Variants in RBFOX1 observed in about 807,000 individuals in gnomAD.
RBFOX1 encodes the protein RNA binding fox-1 homolog 1, also known as RNA binding protein fox-1 homolog 1.
In RBFOX1, 8 loss-of-function variants were observed where a neutral mutation model predicts 57.7. The observed-to-expected ratio is 0.14, with a 90% CI of 0.08 to 0.25. RBFOX1 has a LOEUF of 0.25. Ranked by LOEUF, RBFOX1 falls within the 10% of genes least tolerant of loss-of-function variation. RBFOX1 has a pLI of 1.00. For missense variants in RBFOX1, 611 were observed against 548.5 expected, an observed-to-expected ratio of 1.11 and a Z score of -1.14; for synonymous variants, 326 against 222.4, an observed-to-expected ratio of 1.47 and a Z score of -4.15.
chr16:5,481,303 G>A (rs1171239940), intron 2 of RBFOX1, among the ~76,000 whole-genome samples: 1 of 152,314 alleles, frequency 6.6e-6, no homozygotes, highest in East Asian at 1.9e-4. Context: ...TGACACCCAT[G>A]ACCTATTTCC....
At chr16:5,847,906 A>G (rs1343143215) in intron 3 of RBFOX1, among the ~76,000 whole-genome samples, 3 of 152,168 alleles carry the variant, frequency 2.0e-5, no homozygotes, top group African/African-American at 7.2e-5. Context: ...GTAATTGTCC[A>G]GGACTCTAGG....
At chr16:7,703,751 C>T (rs2081512882) in intron 14 of RBFOX1, among the ~76,000 whole-genome samples, 1 of 152,180 alleles carries the variant, frequency 6.6e-6, no homozygotes, top group African/African-American at 2.4e-5. Flanking sequence ...CAAGAGGCTG[C>T]ATACTTATTC....
chr16:5,838,851 G>A (rs2056541954), intron 3 of RBFOX1, among the ~76,000 whole-genome samples: 1 of 152,184 alleles, frequency 6.6e-6, no homozygotes, highest in Non-Finnish European at 1.5e-5. Context: ...ACCTCAGTGA[G>A]CTCTCACACC....
At chr16:6,700,369 G>T (rs1273859949) in intron 3 of RBFOX1, among the ~76,000 whole-genome samples, 1 of 146,832 alleles carries the variant, frequency 6.8e-6, no homozygotes, top group East Asian at 2.0e-4. Flanking sequence ...AAAAAAAAAA[G>T]AATTTTGACC....
intron 2 of RBFOX1, among the ~76,000 whole-genome samples, chr16:6,605,652 C>T (rs977547662): frequency 1.3e-5 from 2 of 152,290 alleles, no homozygotes; most frequent in African/African-American, 2.4e-5. Context: ...TTCATTGTTC[C>T]AGAAATATTT....
chr16:6,077,119 G>C (rs1307959554), intron 1 of RBFOX1, among the ~76,000 whole-genome samples: 1 of 152,104 alleles, frequency 6.6e-6, no homozygotes, highest in African/African-American at 2.4e-5. Context: ...ACGTAAAATG[G>C]GGATGACGAC....
intron 3 of RBFOX1, among the ~76,000 whole-genome samples, chr16:6,958,069 C>G (rs979919110): frequency 2.6e-5 from 4 of 151,896 alleles, no homozygotes; most frequent in Non-Finnish European, 5.9e-5. Context: ...TGGAGACTAG[C>G]TCTCATGGAT....
rs187366014 is a variant in RBFOX1 at position 7,249,030 on chromosome 16, C to G, written c.27+196932C>G. Among the ~76,000 whole-genome samples, 4 of 152,114 alleles carry G rather than the reference C, an allele frequency of 2.6e-5. No homozygotes were observed. The East Asian group carries it at 5.8e-4, about 22-fold the overall frequency. Reference sequence around the variant, plus strand: ...AGAGTGGGAGCCAGGGAATACAGCACTGCTCTGCATAATAGAGGGAGGGAA... The same window carrying G: ...AGAGTGGGAGCCAGGGAATACAGCAGTGCTCTGCATAATAGAGGGAGGGAA... On this transcript the variant is annotated intron_variant, in intron 4 of 15. Coordinates refer to ENST00000550418, the MANE Select transcript of RBFOX1 (RefSeq NM_018723.4).
intron 2 of RBFOX1, among the ~76,000 whole-genome samples, chr16:5,497,035 A>G (rs1223029752): frequency 6.6e-6 from 1 of 152,066 alleles, no homozygotes; most frequent in African/African-American, 2.4e-5. Context: ...AGTAAATTGA[A>G]TTTTTTTTAC....
chr16:6,821,608 C>T (rs1399235471), intron 3 of RBFOX1, among the ~76,000 whole-genome samples: 2 of 152,180 alleles, frequency 1.3e-5, no homozygotes, highest in Non-Finnish European at 2.9e-5. Flanking sequence ...ATGGATGTGT[C>T]CGTTTATGAT....
intron 2 of RBFOX1, among the ~76,000 whole-genome samples, chr16:6,353,132 G>A (rs192554098): frequency 1.3e-5 from 2 of 152,080 alleles, no homozygotes; most frequent in East Asian, 1.9e-4. Context: ...GGCTAAATCC[G>A]CCTCCTATAA....
In RBFOX1 at chr16:7,592,621, C is replaced by T. The variant is rs563959154; in HGVS notation, c.469-2928C>T. Among the ~76,000 whole-genome samples, 31 of 152,250 alleles carry T rather than the reference C, an allele frequency of 2.0e-4. 1 individual carries two copies. The South Asian group carries it at 6.0e-3, about 30-fold the overall frequency. On this transcript the variant is annotated intron_variant, in intron 7 of 15. Coordinates refer to ENST00000550418, the MANE Select transcript of RBFOX1 (RefSeq NM_018723.4). ...GAATATAAATCCAAAGCCCTCGTTT[C>T]TCTGATTCTTTTTGGAATATGTGGC...
rs190235142 is a variant in RBFOX1 at position 6,214,734 on chromosome 16, G to A, written c.-126-102261G>A. Reference sequence around the variant, plus strand: ...AAGAGGGAGAAGGAGAGAGGGAGAAGGAGAGGGAGAAGGAGAAGGGGAGAG... The same window carrying A: ...AAGAGGGAGAAGGAGAGAGGGAGAAAGAGAGGGAGAAGGAGAAGGGGAGAG... On this transcript the variant is annotated intron_variant, in intron 1 of 15. Coordinates refer to ENST00000550418, the MANE Select transcript of RBFOX1 (RefSeq NM_018723.4). Among the ~76,000 whole-genome samples, 311 of 115,824 alleles carry A rather than the reference G, an allele frequency of 2.7e-3. 2 individuals carry two copies. Among genetic ancestry groups the A allele is most frequent in the Non-Finnish European group, 4.4e-3 (247 of 56,080 alleles). The allele number at this position is 115,824 out of a possible 152,430, so 76.0% of individuals were successfully genotyped here.
chr16:7,039,422 A>T (rs573212553), intron 3 of RBFOX1, among the ~76,000 whole-genome samples: 1 of 152,104 alleles, frequency 6.6e-6, no homozygotes, highest in Admixed American at 6.6e-5. Context: ...TCTCCAAGCT[A>T]TTTTCTCAAG....
intron 3 of RBFOX1, among the ~76,000 whole-genome samples, chr16:6,660,241 A>G (rs562898373): frequency 1.9e-4 from 28 of 150,996 alleles, no homozygotes; most frequent in Non-Finnish European, 3.5e-4. Flanking sequence ...AAAAAAAAAA[A>G]GCAAGAAATT....
chr16:5,513,733 A>G (rs1457086567), intron 2 of RBFOX1, among the ~76,000 whole-genome samples: 2 of 152,156 alleles, frequency 1.3e-5, no homozygotes, highest in Admixed American at 6.5e-5. Flanking sequence ...CCAATACTAC[A>G]TTATTTATTT....
intron 4 of RBFOX1, among the ~76,000 whole-genome samples, chr16:7,262,756 A>C (rs1016770042): frequency 6.6e-6 from 1 of 152,292 alleles, no homozygotes; most frequent in Non-Finnish European, 1.5e-5. Flanking sequence ...CATGGATGGC[A>C]GAAGAGTTAC....
chr16:5,683,605 C>T (rs1372804000), intron 3 of RBFOX1, among the ~76,000 whole-genome samples: 1 of 152,038 alleles, frequency 6.6e-6, no homozygotes, highest in Non-Finnish European at 1.5e-5. Flanking sequence ...TGGATGCCTC[C>T]TGCCCTTGAA....
intron 13 of RBFOX1, among the ~76,000 whole-genome samples, chr16:7,669,772 G>A (rs1477655836): frequency 6.6e-6 from 1 of 152,124 alleles, no homozygotes; most frequent in African/African-American, 2.4e-5. Context: ...ATGTAAAGCT[G>A]GAAAGTAGGA....
Sources: allele counts gnomAD v4.1 joint callset (sites outside exome capture counted in the v4.1 genomes callset), GRCh38; gene constraint gnomAD v4.1.1; transcripts MANE v1.5; gene names NCBI Gene and HGNC (gene_info 2026-07-23, HGNC 2026-07-21).